ARID3B: variants seen among roughly 807,000 people sequenced by gnomAD.
ARID3B encodes AT-rich interactive domain-containing protein 3B.
In ARID3B, 10 loss-of-function variants were observed where a neutral mutation model predicts 51.9. The ratio of observed to expected loss-of-function variants is 0.19; its 90% CI spans 0.12 to 0.33. The LOEUF is 0.33. ARID3B is among the 10% of genes least tolerant of loss of function. The pLI, the probability that ARID3B is intolerant of heterozygous loss-of-function variation, is 1.00. For synonymous variants in ARID3B, 205 were observed against 279.5 expected, an observed-to-expected ratio of 0.73 and a Z score of 2.66; for missense variants, 483 against 716.3, an observed-to-expected ratio of 0.67 and a Z score of 3.72.
rs145901163 is a variant in ARID3B at position 74,572,901 on chromosome 15, C to T, written c.592C>T (p.Arg198Trp). 1.2e-5 allele frequency: 20 copies of T among 1,613,924 alleles called. No individual in the cohort carries two copies. The highest frequency in any genetic ancestry group is 2.2e-5 in the East Asian group (1 of 44,896). Residue 198 changes from arginine to tryptophan, a missense_variant, in exon 3 of 9, where the codon CGG (arginine) becomes TGG (tryptophan). By Grantham distance (101) the Arg-to-Trp change is moderately radical. Coordinates refer to ENST00000346246, the MANE Select transcript of ARID3B (RefSeq NM_006465.4). ...CTGGAGTGATGATGCAGATGGAGGC[C>T]GGGGAAGAGAGATCTCTCGAGATTT... ...LAWSDDADGG[R>W]GREISRDFAK...
At chr15:74,590,948 T>C (rs1014515041) in intron 5 of ARID3B, among the ~76,000 whole-genome samples, 1 of 152,172 alleles carries the variant, frequency 6.6e-6, no homozygotes, top group African/African-American at 2.4e-5. Context: ...AAGTAGAGCC[T>C]ATTTAGGATT....
intron 1 of ARID3B, among the ~76,000 whole-genome samples, chr15:74,543,060 TG>T (rs2061600350): frequency 2.0e-5 from 3 of 152,354 alleles, no homozygotes; most frequent in African/African-American, 7.2e-5. Flanking sequence ...AGCATTAACT[TG>T]TTGTTCAGAC....
At chr15:74,570,462 CAAAAAAAAAAAAAAAAAAAAAAAAAA>C (rs71137395) in intron 2 of ARID3B, among the ~76,000 whole-genome samples, 2 of 64,592 alleles carry the variant, frequency 3.1e-5, no homozygotes, top group African/African-American at 9.8e-5. Context: ...CTATAATTAG[CAAAAAAAAAAAAAAAAAAAAAAAAAA>C]AAAAAAAAAG....
chr15:74,577,595 A>G (rs1479752176), intron 4 of ARID3B, among the ~76,000 whole-genome samples: 4 of 152,156 alleles, frequency 2.6e-5, no homozygotes, highest in Non-Finnish European at 5.9e-5. Context: ...ATCATGGCTC[A>G]TCGCACCCTT....
chr15:74,563,065 T>G (rs1253541973), intron 2 of ARID3B, among the ~76,000 whole-genome samples: 3 of 152,242 alleles, frequency 2.0e-5, no homozygotes, highest in African/African-American at 7.2e-5. Flanking sequence ...CTCCTAAGTT[T>G]ATTCCCGTTG....
At chr15:74,549,778 C>T (rs552415980) in intron 2 of ARID3B, among the ~76,000 whole-genome samples, 1 of 152,278 alleles carries the variant, frequency 6.6e-6, no homozygotes, top group African/African-American at 2.4e-5. Context: ...GACCCCTGCC[C>T]CTTCCCAGGG....
intron 4 of ARID3B, among the ~76,000 whole-genome samples, chr15:74,584,486 G>A (rs2061772931): frequency 6.6e-6 from 1 of 152,210 alleles, no homozygotes; most frequent in Non-Finnish European, 1.5e-5. Flanking sequence ...CCACACCCTG[G>A]GTCCTGGGCC....
rs2061827493 is a variant in ARID3B at position 74,596,784 on chromosome 15, T to G, written c.*1010T>G. The G allele has an allele frequency of 4.4e-6, 1 of 228,006 alleles. No homozygotes were observed. Among genetic ancestry groups the G allele is most frequent in the African/African-American group, 2.4e-5 (1 of 41,704 alleles). 14.1% of individuals were successfully genotyped at this position (228,006 alleles called of 1,614,324 possible). On this transcript the variant is annotated 3_prime_UTR_variant, in exon 9 of 9. Coordinates refer to ENST00000346246, the MANE Select transcript of ARID3B (RefSeq NM_006465.4). The stretch of plus-strand genomic sequence containing the variant: ...TCTGAAATCTTTTTTATATGTGTTT[T>G]GCTGACTTTTGTTTTTTTTTTATTT...
chr15:74,569,337 TTCA>T (rs771511844), intron 2 of ARID3B, among the ~76,000 whole-genome samples: 6 of 151,810 alleles, frequency 4.0e-5, no homozygotes, highest in Non-Finnish European at 8.8e-5. Flanking sequence ...GTGCTCCCTC[TTCA>T]TTATTATTAT....
intron 4 of ARID3B, among the ~76,000 whole-genome samples, chr15:74,585,198 A>T (rs901468817): frequency 1.8e-4 from 27 of 152,230 alleles, no homozygotes; most frequent in Non-Finnish European, 3.1e-4. Flanking sequence ...CCAGTGACCC[A>T]CAAAGATCTC....
At chr15:74,572,572 G>A (rs528987925) in intron 2 of ARID3B, among the ~76,000 whole-genome samples, 105 of 152,134 alleles carry the variant, frequency 6.9e-4, no homozygotes, top group Non-Finnish European at 1.3e-3. Flanking sequence ...TCCTCTTCCA[G>A]GATTATCAAG....
At position 74,591,524 on chromosome 15, in the gene ARID3B, C is replaced by T. The variant is rs763968566; in HGVS notation, c.1166-36C>T. On this transcript the variant is annotated intron_variant, in intron 6 of 8. Transcript: ENST00000346246. The surrounding 1 kb of genome is among the most constrained non-coding windows in gnomAD (Gnocchi z 5.8). ...GACTGGGGTTTTGGGGCAAGAGGGT[C>T]AATTGTGGATTGGTCCAGCTCCAGT... 4 of 1,599,520 alleles carry T rather than the reference C, an allele frequency of 2.5e-6. No homozygotes were observed. The South Asian group carries it at 4.4e-5, about 18-fold the overall frequency.
chr15:74,553,367 C>T (rs1242122594), intron 2 of ARID3B, among the ~76,000 whole-genome samples: 1 of 152,204 alleles, frequency 6.6e-6, no homozygotes, highest in Non-Finnish European at 1.5e-5. Flanking sequence ...ACGTTGAACA[C>T]ATTTTTTGAA....
At chr15:74,588,372 G>A (rs2061789342) in intron 4 of ARID3B, among the ~76,000 whole-genome samples, 1 of 152,172 alleles carries the variant, frequency 6.6e-6, no homozygotes, top group Admixed American at 6.5e-5. Context: ...ATTCAGAGCT[G>A]AGAAAACTGC....
chr15:74,547,463 G>A (rs1372678540), intron 2 of ARID3B, among the ~76,000 whole-genome samples: 16 of 152,076 alleles, frequency 1.1e-4, no homozygotes, highest in African/African-American at 3.4e-4. Context: ...GATTACAGGC[G>A]TGAGCCACCG....
Position 74,544,165 on chromosome 15 carries a change from G to A in ARID3B, c.229G>A (p.Ala77Thr), listed in dbSNP as rs1358820434. The change falls in exon 2 of 9, where the codon GCA (alanine) becomes ACA (threonine). Residue 77 changes from alanine (A) to threonine (T), a missense_variant. Around this residue, in one of 3 missense-constraint regions of ARID3B, gnomAD observed 182 missense variants for 244.5 expected, o/e 0.74. Transcript: ENST00000346246. Reference sequence around the variant, plus strand: ...CTTAGCCAGAGTTCCACCCACCGCAGCAGTGGCCCAAGTGTTTGAACGGGG... The same window carrying A: ...CTTAGCCAGAGTTCCACCCACCGCAACAGTGGCCCAAGTGTTTGAACGGGG... Reference protein sequence around the residue: ...GPLARVPPTAAVAQVFERGNM... With the variant: ...GPLARVPPTATVAQVFERGNM... The A allele has an allele frequency of 2.5e-6, 4 of 1,613,852 alleles. No individual in the cohort carries two copies. The highest frequency in any genetic ancestry group is 3.4e-6 in the Non-Finnish European group (4 of 1,179,786).
In ARID3B at chr15:74,595,997, G is replaced by T; in HGVS notation, c.*223G>T. On this transcript the variant is annotated 3_prime_UTR_variant, in exon 9 of 9. Coordinates refer to ENST00000346246, the MANE Select transcript of ARID3B (RefSeq NM_006465.4). ...GGACAGACAGCGTTGTCCAATCAGG[G>T]ATTGTCCTGGAGAACTGGGTGGGGG... The T allele has an allele frequency of 3.7e-6, 2 of 536,130 alleles. No individual in the cohort carries two copies. Among genetic ancestry groups the T allele is most frequent in the Non-Finnish European group, 6.5e-6 (2 of 306,634 alleles). 33.2% of individuals were successfully genotyped at this position (536,130 alleles called of 1,614,324 possible). A position where few individuals can be genotyped will look rare whatever the true frequency, so the allele number is the denominator to read the frequency against.
chr15:74,573,058 A>G, intron 3 of ARID3B, 74 bp from the exon 4 acceptor site: 1 of 1,589,236 alleles, frequency 6.3e-7, no homozygotes. Flanking sequence ...AGATGGTCAT[A>G]GTATATCTGG....
At chr15:74,565,994 C>T (rs1420614722) in intron 2 of ARID3B, among the ~76,000 whole-genome samples, 1 of 152,142 alleles carries the variant, frequency 6.6e-6, no homozygotes, top group Non-Finnish European at 1.5e-5. Flanking sequence ...CCTCTGTTTG[C>T]ATCAGAACAT....
Sources: gnomAD v4.1 joint callset for allele counts (sites outside exome capture counted in the v4.1 genomes callset) on GRCh38, gnomAD v4.1.1 for gene constraint, gnomAD v4.1.1 regional missense constraint, Gnocchi (gnomAD v3.1) non-coding constraint, MANE v1.5 for transcripts, NCBI Gene and HGNC (gene_info 2026-07-23, HGNC 2026-07-21) for gene names.